Variants in PNPLA1 observed in about 807,000 individuals in gnomAD.
The protein encoded by PNPLA1 is omega-hydroxyceramide transacylase.
A neutral mutation model predicts 51.7 loss-of-function variants in PNPLA1; 36 were observed. That is an observed-to-expected ratio of 0.70 (90% CI 0.53 to 0.92). The LOEUF is 0.92. PNPLA1 is among the 40% of genes least tolerant of loss of function. PNPLA1 has a pLI of 0.00. For synonymous variants in PNPLA1, 293 were observed against 280.1 expected (o/e 1.05, Z -0.46); for missense variants, 658 against 682.5 (o/e 0.96, Z 0.40).
chr6:36,296,685 C>A (rs1392306305), intron 5 of PNPLA1, among the ~76,000 whole-genome samples: 1 of 152,160 alleles, frequency 6.6e-6, no homozygotes, highest in Non-Finnish European at 1.5e-5. Flanking sequence ...GGTCCTTTCT[C>A]CCAACAAGGG....
At chr6:36,248,208 A>T (rs1436947133) in intron 1 of PNPLA1, among the ~76,000 whole-genome samples, 1 of 152,228 alleles carries the variant, frequency 6.6e-6, no homozygotes, top group East Asian at 1.9e-4. Context: ...TTAAAAAAAT[A>T]ATAATAAAAT....
At chr6:36,305,455 C>G (rs1771200914) in intron 6 of PNPLA1, among the ~76,000 whole-genome samples, 1 of 152,140 alleles carries the variant, frequency 6.6e-6, no homozygotes, top group African/African-American at 2.4e-5. Context: ...CAACAAGTCT[C>G]TAACAAAATA....
At chr6:36,254,958 C>T (rs986779071) in intron 1 of PNPLA1, among the ~76,000 whole-genome samples, 2 of 152,204 alleles carry the variant, frequency 1.3e-5, no homozygotes, top group Admixed American at 1.3e-4. Flanking sequence ...ATGCCTGCAT[C>T]ATTGAAAACA....
At chr6:36,272,695 C>G (rs566411456) in intron 1 of PNPLA1, among the ~76,000 whole-genome samples, 2 of 152,200 alleles carry the variant, frequency 1.3e-5, no homozygotes, top group Admixed American at 6.5e-5. Context: ...GAAAGTAGAG[C>G]CAGTGAGACT....
At chr6:36,266,738 G>A (rs1441430560), upstream of PNPLA1, among the ~76,000 whole-genome samples, 1 of 152,208 alleles carries the variant, frequency 6.6e-6, no homozygotes, top group Non-Finnish European at 1.5e-5. Flanking sequence ...TTGTCTGATT[G>A]TTTGCACCTG....
intron 1 of PNPLA1, among the ~76,000 whole-genome samples, chr6:36,289,995 A>T (rs1770626170): frequency 6.6e-6 from 1 of 152,170 alleles, no homozygotes; most frequent in Non-Finnish European, 1.5e-5. Flanking sequence ...TCCCGGATAT[A>T]TTGCAAGGTG....
At chr6:36,290,436 C>T (rs1223834244) in intron 1 of PNPLA1, among the ~76,000 whole-genome samples, 3 of 152,108 alleles carry the variant, frequency 2.0e-5, no homozygotes, top group Admixed American at 6.5e-5. Flanking sequence ...GCTACTTTAC[C>T]CACTTACAAA....
chr6:36,282,236 A>AGG (rs56409117), intron 1 of PNPLA1, among the ~76,000 whole-genome samples: 94 of 149,632 alleles, frequency 6.3e-4, no homozygotes, highest in South Asian at 1.3e-3. Flanking sequence ...GAAGGAAGGA[A>AGG]AGAAAGAAAG....
intron 3 of PNPLA1, 30 bp downstream of exon 3, chr6:36,293,156 A>G: frequency 6.2e-7 from 1 of 1,607,438 alleles, no homozygotes. Flanking sequence ...GAGGGGTGAG[A>G]TGGGATCCAA....
In PNPLA1 at chr6:36,294,620, AG is replaced by A. The variant is rs1770802088; in HGVS notation, c.714+222del. 6.6e-6 allele frequency among the ~76,000 whole-genome samples: 1 copy of A among 152,202 alleles called. No homozygotes were observed. The highest frequency in any genetic ancestry group is 1.5e-5 in the Non-Finnish European group (1 of 68,032). ...CCAGCTTCAACATTCTCCCCGGTAA[AG>A]CGAGATGATGCCAGAAGTGCTGATA... On this transcript the variant is annotated intron_variant, in intron 4 of 8. Transcript: ENST00000636260. This position sits in a 1 kb window ranked among gnomAD's most constrained non-coding sequence, Gnocchi z 4.2.
At chr6:36,267,935 G>A (rs1047063899), upstream of PNPLA1, among the ~76,000 whole-genome samples, 4 of 152,120 alleles carry the variant, frequency 2.6e-5, no homozygotes, top group Non-Finnish European at 5.9e-5. Flanking sequence ...GGCTAAAAGT[G>A]AGGCCTCAGC....
At chr6:36,283,568 G>A (rs1426374823) in intron 1 of PNPLA1, among the ~76,000 whole-genome samples, 6 of 152,164 alleles carry the variant, frequency 3.9e-5, no homozygotes, top group Admixed American at 3.3e-4. Context: ...GCTGAGGCAG[G>A]AGAATCACTT....
rs1186422111 is a variant in PNPLA1 at position 36,294,388 on chromosome 6, C to G, written c.703C>G (p.Pro235Ala). 1.2e-6 allele frequency: 2 copies of G among 1,613,872 alleles called. No homozygotes were observed. Among genetic ancestry groups the G allele is most frequent in the Non-Finnish European group, 1.7e-6 (2 of 1,179,924 alleles). ...CAGGATGACCCACGCATTGTTCCCCCCGGACCTGGTGGTGAGAGGCAGGAG... is the reference window on the plus strand; with the variant it reads ...CAGGATGACCCACGCATTGTTCCCCGCGGACCTGGTGGTGAGAGGCAGGAG... ...IARMTHALFP[P>A]DLVILHDYYY... The change falls in exon 4 of 9, where the codon CCG (proline) becomes GCG (alanine). Residue 235 changes from proline (P) to alanine (A), a missense_variant. By Grantham distance (27) the Pro-to-Ala change is conservative (BLOSUM62 -1). Coordinates refer to ENST00000636260, the MANE Select transcript of PNPLA1 (RefSeq NM_001374623.1). The surrounding 1 kb of genome is among the most constrained non-coding windows in gnomAD (Gnocchi z 4.2).
intron 1 of PNPLA1, among the ~76,000 whole-genome samples, chr6:36,278,584 G>C (rs552215839): frequency 5.4e-4 from 82 of 152,180 alleles, no homozygotes; most frequent in Non-Finnish European, 9.8e-4. Flanking sequence ...AAAAGCAGGG[G>C]ACAGACACGT....
rs551138309 is a variant in PNPLA1, at chr6:36,276,962, G to A, written c.205+6298G>A. Among the ~76,000 whole-genome samples, 12 of 152,312 alleles carry A rather than the reference G, an allele frequency of 7.9e-5. No homozygotes were observed. The South Asian group carries it at 2.5e-3, about 32-fold the overall frequency. On this transcript the variant is annotated intron_variant, in intron 1 of 8. Transcript: ENST00000636260. ...CCTATTGAATGTTAGAGAATTATAA[G>A]GCATAGGAGTGCAGAGGGATGGAGA...
At chr6:36,262,846 A>T (rs542448554) in intron 1 of PNPLA1, among the ~76,000 whole-genome samples, 1 of 152,364 alleles carries the variant, frequency 6.6e-6, no homozygotes, top group East Asian at 1.9e-4. Flanking sequence ...TCATTCATTT[A>T]ACTAGCTTGC....
chr6:36,278,432 C>G (rs1770176880), intron 1 of PNPLA1, among the ~76,000 whole-genome samples: 1 of 152,204 alleles, frequency 6.6e-6, no homozygotes. Flanking sequence ...GTGTCAAGGT[C>G]AGTAAGTCCA....
At position 36,287,755 on chromosome 6, in the gene PNPLA1, AACACACACACAC is replaced by A. The variant is rs57750301; in HGVS notation, c.206-3536_206-3525del. The stretch of plus-strand genomic sequence containing the variant: ...GTCAGAGACTTTGAAGACAGACAGA[AACACACACACAC>A]ACACACACACACACACACACACACA... On this transcript the variant is annotated intron_variant, in intron 1 of 8. Transcript: ENST00000636260. 2.5e-3 allele frequency among the ~76,000 whole-genome samples: 369 copies of A among 148,430 alleles called. 7 individuals are homozygous for A. The South Asian group carries it at 0.036, about 15-fold the overall frequency.
intron 6 of PNPLA1, among the ~76,000 whole-genome samples, chr6:36,303,431 G>A (rs188490986): frequency 1.3e-4 from 20 of 152,254 alleles, no homozygotes; most frequent in Admixed American, 1.0e-3. Flanking sequence ...TACTACAGAC[G>A]GTTTCAGAAG....
Sources: allele counts gnomAD v4.1 joint callset (sites outside exome capture counted in the v4.1 genomes callset), GRCh38; gene constraint gnomAD v4.1.1; non-coding constraint Gnocchi (gnomAD v3.1); transcripts MANE v1.5; gene names NCBI Gene and HGNC (gene_info 2026-07-23, HGNC 2026-07-21).